ZNF831: variants seen among roughly 807,000 people sequenced by gnomAD.
The protein encoded by ZNF831 is zinc finger protein 831, also known as chromosome 20 open reading frame 174.
Under a neutral mutation model 95.8 loss-of-function variants are expected in ZNF831, and 59 were observed. The observed-to-expected ratio is 0.62, with a 90% CI of 0.50 to 0.77. ZNF831 has a LOEUF of 0.77. Among genes scored for constraint, ZNF831 ranks in the 30% least tolerant of loss-of-function variants. ZNF831 has a pLI of 0.00. For synonymous variants in ZNF831, 961 were observed against 925.5 expected (o/e 1.04, Z -0.70); for missense variants, 2,205 against 2,164.0 (o/e 1.02, Z -0.38).
upstream of ZNF831, among the ~76,000 whole-genome samples, chr20:59,161,876 C>T (rs950737894): frequency 2.6e-5 from 4 of 152,232 alleles, no homozygotes; most frequent in African/African-American, 9.7e-5. Flanking sequence ...TACATTCCCA[C>T]CAACAATGTG....
chr20:59,153,610 C>T (rs762103686), intron 2 of ZNF831, among the ~76,000 whole-genome samples: 12 of 150,870 alleles, frequency 8.0e-5, no homozygotes, highest in Non-Finnish European at 1.8e-4. Context: ...CACCAGCACA[C>T]CCTATGAAGG....
Position 59,191,896 on chromosome 20 carries a change from G to C in ZNF831, c.877G>C (p.Ala293Pro). The change falls in exon 2 of 6, where the codon GCC (alanine) becomes CCC (proline). Residue 293 changes from alanine (A) to proline (P), a missense_variant. Ala to Pro is a conservative substitution (Grantham distance 27). Coordinates refer to ENST00000371030, the MANE Select transcript of ZNF831 (RefSeq NM_178457.3). ...APMASPGLPA[A>P]STQPWRKLPE... Reference sequence around the variant, plus strand: ...CATGGCGTCACCTGGGCTCCCAGCGGCCAGCACACAACCCTGGCGTAAGTT... The same window carrying C: ...CATGGCGTCACCTGGGCTCCCAGCGCCCAGCACACAACCCTGGCGTAAGTT... 6.2e-7 allele frequency: 1 copy of C among 1,612,788 alleles called. No individual in the cohort carries two copies. The highest frequency in any genetic ancestry group is 8.5e-7 in the Non-Finnish European group (1 of 1,179,952).
rs1048055886 is a variant in ZNF831, at chr20:59,208,656, G to A, written c.4027+1600G>A. On this transcript the variant is annotated intron_variant, in intron 4 of 5. Coordinates refer to ENST00000371030, the MANE Select transcript of ZNF831 (RefSeq NM_178457.3). The surrounding 1 kb of genome is among the most constrained non-coding windows in gnomAD (Gnocchi z 4.2). Reference sequence around the variant, plus strand: ...TCCAAGTACGAAGTGAGCCTCGGGGGTCATGGTACTTGCTGGCTGACTCCT... The same window carrying A: ...TCCAAGTACGAAGTGAGCCTCGGGGATCATGGTACTTGCTGGCTGACTCCT... 4.6e-5 allele frequency among the ~76,000 whole-genome samples: 7 copies of A among 152,222 alleles called. No homozygotes were observed. In the East Asian group the frequency reaches 9.6e-4, roughly 21 times the overall value.
intron 4 of ZNF831, among the ~76,000 whole-genome samples, chr20:59,229,563 A>C (rs1001183256): frequency 6.6e-6 from 1 of 152,210 alleles, no homozygotes; most frequent in African/African-American, 2.4e-5. Flanking sequence ...CTTCTACTTT[A>C]GGCATGTGTA....
intron 2 of ZNF831, among the ~76,000 whole-genome samples, chr20:59,153,304 A>G (rs767643235): frequency 3.3e-5 from 5 of 152,198 alleles, no homozygotes; most frequent in Non-Finnish European, 7.4e-5. Flanking sequence ...AGAGAACAGG[A>G]AGGAGTCAAC....
intron 4 of ZNF831, among the ~76,000 whole-genome samples, chr20:59,238,904 C>T (rs575646914): frequency 4.4e-4 from 67 of 152,250 alleles, no homozygotes; most frequent in Admixed American, 2.9e-3. Context: ...ACACAGCAGA[C>T]GCAGGGCCGG....
intron 2 of ZNF831, among the ~76,000 whole-genome samples, chr20:59,156,058 T>C (rs531613131): frequency 6.6e-6 from 1 of 152,256 alleles, no homozygotes; most frequent in African/African-American, 2.4e-5. Context: ...TAGAAGCAAG[T>C]CCCGTAAAAA....
At chr20:59,133,713 C>T (rs891408122) in intron 1 of ZNF831, among the ~76,000 whole-genome samples, 1 of 152,184 alleles carries the variant, frequency 6.6e-6, no homozygotes, top group African/African-American at 2.4e-5. Flanking sequence ...GACTCAAGAG[C>T]TCATCTCCCT....
At position 59,256,309 on chromosome 20, in the gene ZNF831, T is replaced by C. The variant is rs1342557998; in HGVS notation, c.*1566T>C. The C allele has an allele frequency of 6.6e-6, 1 of 152,214 alleles. No individual in the cohort carries two copies. The highest frequency in any genetic ancestry group is 1.5e-5 in the Non-Finnish European group (1 of 68,032). The allele number at this position is 152,214 out of a possible 1,614,324, so 9.4% of individuals were successfully genotyped here. On this transcript the variant is annotated 3_prime_UTR_variant, in exon 6 of 6. Transcript: ENST00000371030. ...TTAGCATATATTTGTGACCATTTCATATGCACTCATAAATATCCAAGGATT... is the reference window on the plus strand; with the variant it reads ...TTAGCATATATTTGTGACCATTTCACATGCACTCATAAATATCCAAGGATT...
In ZNF831 at chr20:59,164,911, C is replaced by T. The variant is rs139799259; in HGVS notation, c.-37+704C>T. Among the ~76,000 whole-genome samples the T allele has an allele frequency of 5.0e-3, 764 of 152,192 alleles. 2 individuals carry two copies. The highest frequency in any genetic ancestry group is 0.017 in the Middle Eastern group (5 of 294). ...AGAGATGTTATCTACCAAAATGCAACGAGGGACAGGATGCAACTTAGAAAA... is the reference window on the plus strand; with the variant it reads ...AGAGATGTTATCTACCAAAATGCAATGAGGGACAGGATGCAACTTAGAAAA... On this transcript the variant is annotated intron_variant, in intron 1 of 5. Transcript: ENST00000371030.
At chr20:59,150,568 AG>A (rs1165524666) in intron 2 of ZNF831, among the ~76,000 whole-genome samples, 2 of 152,224 alleles carry the variant, frequency 1.3e-5, no homozygotes, top group African/African-American at 2.4e-5. Flanking sequence ...ACCATAGCAT[AG>A]GGGACCCACC....
Position 59,193,037 on chromosome 20 carries a change from C to A in ZNF831, c.2018C>A (p.Thr673Asn), listed in dbSNP as rs1231562456. ...EAAGSSGTVP[T>N]QDRRTPVHED... Reference sequence around the variant, plus strand: ...GCAGGGAGCTCAGGCACAGTCCCCACCCAAGACAGGAGGACCCCTGTCCAT... The same window carrying A: ...GCAGGGAGCTCAGGCACAGTCCCCAACCAAGACAGGAGGACCCCTGTCCAT... Residue 673 changes from threonine (T) to asparagine (N), a missense_variant, in exon 2 of 6, where the codon ACC becomes AAC. Physicochemically the swap from Thr to Asn is moderately conservative, Grantham distance 65. Coordinates refer to ENST00000371030, the MANE Select transcript of ZNF831 (RefSeq NM_178457.3). The A allele has an allele frequency of 1.9e-6, 3 of 1,575,268 alleles. No homozygotes were observed. The highest frequency in any genetic ancestry group is 2.6e-6 in the Non-Finnish European group (3 of 1,161,398).
chr20:59,221,163 T>A (rs1411714950), intron 4 of ZNF831, among the ~76,000 whole-genome samples: 2 of 152,080 alleles, frequency 1.3e-5, no homozygotes, highest in Admixed American at 6.5e-5. Context: ...TACACTGAAT[T>A]TTCCCCCCAG....
intron 1 of ZNF831, among the ~76,000 whole-genome samples, chr20:59,142,856 C>T (rs1979724784): frequency 6.6e-6 from 1 of 152,108 alleles, no homozygotes; most frequent in Admixed American, 6.6e-5. Context: ...TCTTTTTAAC[C>T]TCAACTGACT....
Position 59,191,347 on chromosome 20 carries a change from G to A in ZNF831, c.328G>A (p.Ala110Thr). ...CCCCACCCAGGTGGGGAAGCCGGCG[G>A]CCCCTACGCTGACGGTGAACATCGT... ...PGPTQVGKPAAPTLTVNIVGT... is the reference protein window; with the variant it reads ...PGPTQVGKPATPTLTVNIVGT... The change falls in exon 2 of 6, where the codon GCC (alanine) becomes ACC (threonine). Residue 110 changes from alanine (A) to threonine (T), a missense_variant. Physicochemically the swap from Ala to Thr is moderately conservative, Grantham distance 58. Coordinates refer to ENST00000371030, the MANE Select transcript of ZNF831 (RefSeq NM_178457.3). 2 of 1,606,976 alleles carry A rather than the reference G, an allele frequency of 1.2e-6. No homozygotes were observed. The highest frequency in any genetic ancestry group is 1.1e-5 in the South Asian group (1 of 90,402).
intron 4 of ZNF831, among the ~76,000 whole-genome samples, chr20:59,233,378 G>T (rs1986842102): frequency 6.6e-6 from 1 of 152,108 alleles, no homozygotes; most frequent in Admixed American, 6.6e-5. Context: ...CTCCTGGTGT[G>T]GTGGGGGAAA....
At chr20:59,196,246 A>G (rs1455507852) in intron 3 of ZNF831, among the ~76,000 whole-genome samples, 1 of 152,222 alleles carries the variant, frequency 6.6e-6, no homozygotes, top group African/African-American at 2.4e-5. Context: ...TTGAAAACAC[A>G]TCCATTCAAC....
intron 1 of ZNF831, among the ~76,000 whole-genome samples, chr20:59,186,897 C>T (rs1267623316): frequency 1.3e-5 from 2 of 151,200 alleles, no homozygotes; most frequent in East Asian, 1.9e-4. Flanking sequence ...GTCCTCCCTT[C>T]TGCTCAGTGA....
intron 1 of ZNF831, among the ~76,000 whole-genome samples, chr20:59,129,577 C>G (rs1979285364): frequency 1.3e-5 from 2 of 152,270 alleles, no homozygotes; most frequent in South Asian, 4.2e-4. Context: ...GAGCCGAGAT[C>G]ACGCCACTGC....
Sources: allele counts gnomAD v4.1 joint callset (sites outside exome capture counted in the v4.1 genomes callset), GRCh38; gene constraint gnomAD v4.1.1; non-coding constraint Gnocchi (gnomAD v3.1); transcripts MANE v1.5; gene names NCBI Gene and HGNC (gene_info 2026-07-23, HGNC 2026-07-21).